The following FBXL20 variants were observed in gnomAD, a reference collection of about 807,000 sequenced individuals.
FBXL20 encodes the protein F-box and leucine rich repeat protein 20, also known as F-box/LRR-repeat protein 20.
FBXL20 carries 11 observed loss-of-function variants against 64.0 expected under a neutral mutation model. The observed-to-expected ratio is 0.17, with a 90% CI of 0.11 to 0.28. The LOEUF is 0.28. FBXL20 is among the 10% of genes least tolerant of loss of function. The pLI, the probability that FBXL20 is intolerant of heterozygous loss-of-function variation, is 1.00. For missense variants in FBXL20, 303 were observed against 526.2 expected, an observed-to-expected ratio of 0.58 and a Z score of 4.15; for synonymous variants, 184 against 189.0, an observed-to-expected ratio of 0.97 and a Z score of 0.22.
intron 2 of FBXL20, among the ~76,000 whole-genome samples, chr17:39,336,980 C>G (rs949533882): frequency 1.3e-5 from 2 of 151,918 alleles, no homozygotes; most frequent in Non-Finnish European, 2.9e-5. Context: ...CTCTCCCTCT[C>G]CCTCTCCCCA....
intron 2 of FBXL20, among the ~76,000 whole-genome samples, chr17:39,337,319 G>A (rs2047533061): frequency 6.6e-6 from 1 of 152,184 alleles, no homozygotes; most frequent in South Asian, 2.1e-4. Flanking sequence ...GTGCAGTGGT[G>A]TGATCTCGGC....
chr17:39,361,911 A>C (rs1279141207), intron 1 of FBXL20, among the ~76,000 whole-genome samples: 1 of 151,914 alleles, frequency 6.6e-6, no homozygotes, highest in East Asian at 1.9e-4. Context: ...CAGCCTGGGC[A>C]AGATAGCAAG....
At chr17:39,375,151 T>A (rs940959565) in intron 1 of FBXL20, among the ~76,000 whole-genome samples, 1 of 152,106 alleles carries the variant, frequency 6.6e-6, no homozygotes, top group Non-Finnish European at 1.5e-5. Context: ...TCAGTGACTT[T>A]AGTGGTTAAA....
intron 1 of FBXL20, among the ~76,000 whole-genome samples, chr17:39,353,270 G>A (rs1299459774): frequency 6.6e-6 from 1 of 152,136 alleles, no homozygotes; most frequent in East Asian, 1.9e-4. Context: ...AACATATGCA[G>A]CTAAACTTAC....
At chr17:39,267,863 G>A (rs1346743454) in intron 12 of FBXL20, among the ~76,000 whole-genome samples, 1 of 152,160 alleles carries the variant, frequency 6.6e-6, no homozygotes, top group Non-Finnish European at 1.5e-5. Flanking sequence ...GAGATAAACG[G>A]ATGCGAACAA....
intron 1 of FBXL20, among the ~76,000 whole-genome samples, chr17:39,364,418 G>A (rs951383205): frequency 1.3e-5 from 2 of 152,090 alleles, no homozygotes; most frequent in Non-Finnish European, 2.9e-5. Flanking sequence ...TTTGAGACCT[G>A]GGCAACATGG....
chr17:39,341,649 G>C (rs1217316926), intron 2 of FBXL20, among the ~76,000 whole-genome samples: 1 of 152,066 alleles, frequency 6.6e-6, no homozygotes, highest in Non-Finnish European at 1.5e-5. Context: ...TCACTATTAG[G>C]CTTGGACATG....
intron 11 of FBXL20, 113 bp downstream of exon 11, chr17:39,270,683 C>T (rs1597763040): frequency 3.5e-6 from 3 of 847,632 alleles, no homozygotes; most frequent in Admixed American, 2.7e-5. Context: ...CCCCGTCTCA[C>T]TCACCCAATT....
chr17:39,379,924 A>G (rs902547393), intron 1 of FBXL20, among the ~76,000 whole-genome samples: 1 of 152,168 alleles, frequency 6.6e-6, no homozygotes, highest in Non-Finnish European at 1.5e-5. Flanking sequence ...GGCTACAGTG[A>G]GCCATGATCG....
chr17:39,325,675 A>G (rs1268530777), intron 2 of FBXL20, among the ~76,000 whole-genome samples: 1 of 152,188 alleles, frequency 6.6e-6, no homozygotes, highest in Non-Finnish European at 1.5e-5. Flanking sequence ...GAGAGATCCA[A>G]TGTGAGGCAA....
At chr17:39,342,761 A>G (rs1327529539) in intron 2 of FBXL20, among the ~76,000 whole-genome samples, 1 of 151,996 alleles carries the variant, frequency 6.6e-6, no homozygotes, top group Non-Finnish European at 1.5e-5. Flanking sequence ...ATGTGCCTGT[A>G]GTCCCAGCTA....
intron 1 of FBXL20, among the ~76,000 whole-genome samples, chr17:39,379,839 T>C (rs2048005385): frequency 6.6e-6 from 1 of 151,278 alleles, no homozygotes; most frequent in Non-Finnish European, 1.5e-5. Flanking sequence ...ATTAGCTGGG[T>C]GTGGTGGTAT....
chr17:39,353,387 A>G lies in FBXL20; in HGVS notation c.43-10146T>C, dbSNP rs557870836. 1.2e-4 allele frequency among the ~76,000 whole-genome samples: 18 copies of G among 152,292 alleles called. No homozygotes were observed. The South Asian group carries it at 3.7e-3, about 32-fold the overall frequency. On this transcript the variant is annotated intron_variant, in intron 1 of 14. Transcript: ENST00000264658. ...AGGTTAGTAAAAGAGACATTCACAC[A>G]ACTTTATTCCAGTATACTGTTATAA...
chr17:39,353,075 G>A (rs1356771554), intron 1 of FBXL20, among the ~76,000 whole-genome samples: 8 of 152,204 alleles, frequency 5.3e-5, no homozygotes, highest in South Asian at 2.1e-4. Flanking sequence ...GAAGGCCACC[G>A]TTTTAAAGAC....
intron 2 of FBXL20, among the ~76,000 whole-genome samples, chr17:39,326,967 G>A (rs1323397835): frequency 6.7e-6 from 1 of 148,922 alleles, no homozygotes; most frequent in Non-Finnish European, 1.5e-5. Flanking sequence ...GACAACCTCT[G>A]CCTCACAGGC....
chr17:39,291,251 C>T (rs371459585), intron 6 of FBXL20, among the ~76,000 whole-genome samples: 2 of 152,002 alleles, frequency 1.3e-5, no homozygotes, highest in Non-Finnish European at 2.9e-5. Flanking sequence ...CTAGCCACCG[C>T]GCCCGGCCAC....
At chr17:39,350,229 T>G (rs915236780) in intron 1 of FBXL20, among the ~76,000 whole-genome samples, 2 of 152,158 alleles carry the variant, frequency 1.3e-5, no homozygotes, top group African/African-American at 4.8e-5. Flanking sequence ...CCAGGCACAG[T>G]AGCTCATGCC....
intron 9 of FBXL20, among the ~76,000 whole-genome samples, chr17:39,280,054 G>T (rs1033637816): frequency 1.3e-5 from 2 of 151,958 alleles, no homozygotes; most frequent in African/African-American, 4.8e-5. Flanking sequence ...CCAACATAGT[G>T]AAACCCCATC....
intron 2 of FBXL20, among the ~76,000 whole-genome samples, chr17:39,342,783 G>A (rs1230160112): frequency 6.6e-6 from 1 of 152,114 alleles, no homozygotes; most frequent in Non-Finnish European, 1.5e-5. Flanking sequence ...TCAGGAGGCT[G>A]AGGTGGGAGG....
Sources: gnomAD v4.1 joint callset for allele counts (sites outside exome capture counted in the v4.1 genomes callset) on GRCh38, gnomAD v4.1.1 for gene constraint, MANE v1.5 for transcripts, NCBI Gene and HGNC (gene_info 2026-07-23, HGNC 2026-07-21) for gene names.